Variants in PDE4D observed in about 807,000 individuals in gnomAD.
PDE4D encodes phosphodiesterase 4D, also known as 3',5'-cyclic-AMP phosphodiesterase 4D.
A neutral mutation model predicts 87.4 loss-of-function variants in PDE4D; 24 were observed. That is an observed-to-expected ratio of 0.27 (90% confidence interval 0.20 to 0.39). The LOEUF (loss-of-function observed/expected upper bound fraction) is 0.39. PDE4D is among the 10% of genes least tolerant of loss of function. PDE4D has a pLI of 1.00. For missense variants in PDE4D, 714 were observed against 1,041.0 expected, an observed-to-expected ratio of 0.69 and a Z score of 4.32; for synonymous variants, 384 against 383.2, an observed-to-expected ratio of 1.00 and a Z score of -0.02.
chr5:59,563,007 T>G (rs1820291523), intron 1 of PDE4D, among the ~76,000 whole-genome samples: 1 of 152,178 alleles, frequency 6.6e-6, no homozygotes, highest in Non-Finnish European at 1.5e-5. Context: ...TGATAAATAT[T>G]AAGGTGCATG....
chr5:59,893,826 G>T (rs1751340552), upstream of PDE4D: 12 of 1,323,588 alleles, frequency 9.1e-6, no homozygotes, highest in South Asian at 2.5e-4. Context: ...ACAGAACGCG[G>T]CAGGGCTCCT....
chr5:59,383,957 C>T (rs62358055), intron 1 of PDE4D, among the ~76,000 whole-genome samples: 13,265 of 152,220 alleles, frequency 0.087, 688 homozygotes, highest in Middle Eastern at 0.15. Context: ...GGTGCAAACA[C>T]GGCTCACTGC....
At chr5:59,992,430 A>AT (rs1763109432) in intron 2 of PDE4D, among the ~76,000 whole-genome samples, 1 of 152,172 alleles carries the variant, frequency 6.6e-6, no homozygotes, top group Non-Finnish European at 1.5e-5. Flanking sequence ...TTTCACATAT[A>AT]CATGTATCCT....
intron 1 of PDE4D, among the ~76,000 whole-genome samples, chr5:59,526,282 G>C (rs1813116311): frequency 6.6e-6 from 1 of 152,112 alleles, no homozygotes; most frequent in Non-Finnish European, 1.5e-5. Context: ...ACATATCTCT[G>C]TTAAGTCCTC....
intron 5 of PDE4D, among the ~76,000 whole-genome samples, chr5:59,084,140 G>A (rs1767268096): frequency 6.6e-6 from 1 of 152,050 alleles, no homozygotes; most frequent in South Asian, 2.1e-4. Context: ...ATTATAACAT[G>A]GGGCTTTTTG....
At position 59,409,156 on chromosome 5, in the gene PDE4D, A is replaced by T. The variant is rs1412293027; in HGVS notation, c.456-193188T>A. Among the ~76,000 whole-genome samples the T allele has an allele frequency of 5.3e-5, 8 of 152,170 alleles. No individual in the cohort carries two copies. The East Asian group carries it at 1.5e-3, about 29-fold the overall frequency. On this transcript the variant is annotated intron_variant, in intron 1 of 14. Coordinates refer to ENST00000340635, the MANE Select transcript of PDE4D (RefSeq NM_001104631.2). ...AAGCGAGACTCCATTTCAAAAAAAA[A>T]AAAAAAGAATGGGAATGTTTACCCA...
At chr5:60,428,574 T>C (rs1462689478) in intron 1 of PDE4D, among the ~76,000 whole-genome samples, 1 of 152,204 alleles carries the variant, frequency 6.6e-6, no homozygotes, top group Non-Finnish European at 1.5e-5. Context: ...CAAAATGGCA[T>C]ATGAAAAATA....
chr5:59,870,235 T>C (rs1478906892), intron 1 of PDE4D, among the ~76,000 whole-genome samples: 1 of 152,228 alleles, frequency 6.6e-6, no homozygotes, highest in Non-Finnish European at 1.5e-5. Context: ...TAAAACAAGT[T>C]AAACAGAATT....
chr5:60,108,661 G>T (rs200107281), intron 2 of PDE4D, among the ~76,000 whole-genome samples: 3 of 152,024 alleles, frequency 2.0e-5, no homozygotes, highest in East Asian at 1.9e-4. Flanking sequence ...CCAAAACAGA[G>T]ATATAGATCA....
chr5:59,970,631 G>T (rs1760619498), intron 3 of PDE4D, among the ~76,000 whole-genome samples: 1 of 151,486 alleles, frequency 6.6e-6, no homozygotes, highest in Non-Finnish European at 1.5e-5. Context: ...GGCCATCAGA[G>T]AAATGCAAAT....
chr5:59,816,662 C>T (rs577310633), intron 1 of PDE4D, among the ~76,000 whole-genome samples: 2 of 152,230 alleles, frequency 1.3e-5, no homozygotes, highest in Admixed American at 1.3e-4. Context: ...CAATATTACA[C>T]CCCTCACTAC....
At chr5:59,692,023 T>C (rs1751035550) in intron 1 of PDE4D, among the ~76,000 whole-genome samples, 1 of 152,120 alleles carries the variant, frequency 6.6e-6, no homozygotes, top group Non-Finnish European at 1.5e-5. Flanking sequence ...TTACGTTTCT[T>C]GTTAAAATAT....
chr5:59,683,353 A>G (rs973380638), intron 1 of PDE4D, among the ~76,000 whole-genome samples: 1 of 152,198 alleles, frequency 6.6e-6, no homozygotes, highest in African/African-American at 2.4e-5. Context: ...TATTCTTGCC[A>G]CTTTACAGTA....
intron 5 of PDE4D, among the ~76,000 whole-genome samples, chr5:59,118,469 G>C (rs1047818977): frequency 3.3e-5 from 5 of 152,144 alleles, no homozygotes; most frequent in African/African-American, 4.8e-5. Flanking sequence ...ATAGTGAATA[G>C]AGCAATTCAA....
At chr5:59,494,438 T>C (rs1184562207) in intron 1 of PDE4D, among the ~76,000 whole-genome samples, 1 of 152,170 alleles carries the variant, frequency 6.6e-6, no homozygotes, top group Non-Finnish European at 1.5e-5. Context: ...AAATTAGATC[T>C]GTCAACCTAA....
chr5:59,668,304 CCTTA>C (rs1463193121), intron 1 of PDE4D, among the ~76,000 whole-genome samples: 2 of 152,150 alleles, frequency 1.3e-5, no homozygotes, highest in African/African-American at 4.8e-5. Context: ...CAGTAGAAAG[CCTTA>C]CTATGATCAT....
At chr5:59,520,874 CATAT>C (rs1250341748) in intron 1 of PDE4D, among the ~76,000 whole-genome samples, 1 of 147,302 alleles carries the variant, frequency 6.8e-6, no homozygotes, top group African/African-American at 2.7e-5. Context: ...TACACACACA[CATAT>C]ACATATATAC....
At chr5:60,382,153 A>C (rs1332123705) in intron 1 of PDE4D, among the ~76,000 whole-genome samples, 2 of 152,116 alleles carry the variant, frequency 1.3e-5, no homozygotes, top group African/African-American at 4.8e-5. Context: ...CAAAATATTC[A>C]GATGTAATTA....
At chr5:60,026,148 A>T (rs1375154810) in intron 2 of PDE4D, among the ~76,000 whole-genome samples, 1 of 152,230 alleles carries the variant, frequency 6.6e-6, no homozygotes, top group East Asian at 1.9e-4. Flanking sequence ...ATGTGCAAAA[A>T]TTACAGCATT....
Sources: allele counts gnomAD v4.1 joint callset (sites outside exome capture counted in the v4.1 genomes callset), GRCh38; gene constraint gnomAD v4.1.1; transcripts MANE v1.5; gene names NCBI Gene and HGNC (gene_info 2026-07-23, HGNC 2026-07-21).